Variants in CACNA2D3 observed in about 807,000 individuals in gnomAD.
CACNA2D3 encodes calcium voltage-gated channel auxiliary subunit alpha2delta 3, also known as voltage-dependent calcium channel subunit alpha-2/delta-3.
Under a neutral mutation model 160.6 loss-of-function variants are expected in CACNA2D3, and 60 were observed. The observed-to-expected ratio is 0.37, with a 90% confidence interval of 0.30 to 0.46. The LOEUF (loss-of-function observed/expected upper bound fraction) is 0.46. Ranked by LOEUF, CACNA2D3 falls within the 20% of genes least tolerant of loss-of-function variation. The pLI is 1.00. For missense variants in CACNA2D3, 1,205 were observed against 1,365.0 expected (o/e 0.88, Z 1.85); for synonymous variants, 558 against 492.9 (o/e 1.13, Z -1.75).
intron 35 of CACNA2D3, among the ~76,000 whole-genome samples, chr3:55,042,709 A>AT (rs1703982641): frequency 6.6e-6 from 1 of 152,078 alleles, no homozygotes; most frequent in Non-Finnish European, 1.5e-5. Context: ...ACAGTTGTGT[A>AT]TTTACTACTA....
At chr3:54,281,935 G>C (rs1189042956) in intron 2 of CACNA2D3, among the ~76,000 whole-genome samples, 1 of 152,276 alleles carries the variant, frequency 6.6e-6, no homozygotes, top group East Asian at 1.9e-4. Context: ...GTGTGTTAAA[G>C]CAAAGTGTTC....
intron 2 of CACNA2D3, among the ~76,000 whole-genome samples, chr3:54,189,021 C>T (rs549905512): frequency 6.6e-6 from 1 of 152,290 alleles, no homozygotes; most frequent in African/African-American, 2.4e-5. Flanking sequence ...AAAGTGAAGC[C>T]ATGGCATCTA....
At chr3:54,726,786 C>T (rs770159465) in intron 11 of CACNA2D3, among the ~76,000 whole-genome samples, 18 of 152,226 alleles carry the variant, frequency 1.2e-4, no homozygotes, top group African/African-American at 2.6e-4. Context: ...AAGACTTAAA[C>T]GTAAAACCTA....
At chr3:54,727,879 C>T (rs1701307782) in intron 11 of CACNA2D3, among the ~76,000 whole-genome samples, 1 of 152,106 alleles carries the variant, frequency 6.6e-6, no homozygotes, top group South Asian at 2.1e-4. Flanking sequence ...GCATGTTCTG[C>T]ACATGTACCC....
intron 31 of CACNA2D3, among the ~76,000 whole-genome samples, chr3:54,996,753 T>C (rs1308355045): frequency 6.6e-6 from 1 of 151,960 alleles, no homozygotes; most frequent in Non-Finnish European, 1.5e-5. Context: ...TGCGTCTGGG[T>C]TTTAAAGTGG....
At chr3:54,722,179 T>C (rs1325574580) in intron 11 of CACNA2D3, among the ~76,000 whole-genome samples, 1 of 152,364 alleles carries the variant, frequency 6.6e-6, no homozygotes, top group African/African-American at 2.4e-5. Flanking sequence ...ATCACTGATA[T>C]CCTTTCTTTC....
intron 3 of CACNA2D3, among the ~76,000 whole-genome samples, chr3:54,381,818 A>C (rs1699107693): frequency 6.6e-6 from 1 of 152,244 alleles, no homozygotes. Context: ...GTCTATTTAT[A>C]CAAATGGCTC....
At chr3:54,563,818 G>C (rs2106708463) in intron 6 of CACNA2D3, among the ~76,000 whole-genome samples, 1 of 152,244 alleles carries the variant, frequency 6.6e-6, no homozygotes, top group East Asian at 1.9e-4. Flanking sequence ...TTGAGGCACA[G>C]ACTGCCGGCC....
intron 2 of CACNA2D3, among the ~76,000 whole-genome samples, chr3:54,289,105 G>A (rs1002684665): frequency 6.6e-6 from 1 of 152,130 alleles, no homozygotes; most frequent in Non-Finnish European, 1.5e-5. Flanking sequence ...TAGGAAAAGA[G>A]GAAGTCAAAT....
At chr3:55,013,110 T>A (rs1042051002) in intron 34 of CACNA2D3, among the ~76,000 whole-genome samples, 4 of 152,210 alleles carry the variant, frequency 2.6e-5, no homozygotes, top group African/African-American at 2.4e-5. Flanking sequence ...TGTCACATAA[T>A]TGCATCATTG....
intron 11 of CACNA2D3, among the ~76,000 whole-genome samples, chr3:54,725,588 G>A (rs1021883101): frequency 6.6e-6 from 1 of 152,150 alleles, no homozygotes; most frequent in African/African-American, 2.4e-5. Context: ...CCTCATACCT[G>A]GGATGCAAGG....
intron 2 of CACNA2D3, among the ~76,000 whole-genome samples, chr3:54,182,443 C>T (rs570343442): frequency 6.6e-5 from 10 of 152,204 alleles, no homozygotes; most frequent in African/African-American, 1.2e-4. Flanking sequence ...GCCAGGAGTC[C>T]GCTCGTCACT....
At chr3:54,886,470 A>G (rs902393093) in intron 23 of CACNA2D3, among the ~76,000 whole-genome samples, 1 of 152,208 alleles carries the variant, frequency 6.6e-6, no homozygotes, top group African/African-American at 2.4e-5. Flanking sequence ...TGTAGTCACC[A>G]TCCAGCTTTA....
chr3:55,014,669 T>C (rs1047882135), intron 34 of CACNA2D3, among the ~76,000 whole-genome samples: 1 of 151,718 alleles, frequency 6.6e-6, no homozygotes, highest in African/African-American at 2.4e-5. Flanking sequence ...GAGGCGGAGG[T>C]TGCAGTGAGC....
intron 4 of CACNA2D3, among the ~76,000 whole-genome samples, chr3:54,393,134 CA>C (rs1231513110): frequency 6.6e-6 from 1 of 152,190 alleles, no homozygotes; most frequent in Non-Finnish European, 1.5e-5. Context: ...ACCCCATCCC[CA>C]AGGTGGGGTC....
chr3:54,378,469 T>C (rs1209578269), intron 3 of CACNA2D3, among the ~76,000 whole-genome samples: 1 of 152,168 alleles, frequency 6.6e-6, no homozygotes, highest in African/African-American at 2.4e-5. Flanking sequence ...TACTGGTCCA[T>C]GCTGGGGGTT....
chr3:54,131,759 T>G (rs1699713475), intron 2 of CACNA2D3, among the ~76,000 whole-genome samples: 1 of 152,148 alleles, frequency 6.6e-6, no homozygotes, highest in South Asian at 2.1e-4. Context: ...GAGGTGGATT[T>G]TTTTTTTTGC....
intron 2 of CACNA2D3, among the ~76,000 whole-genome samples, chr3:54,183,753 C>T (rs903518462): frequency 2.6e-5 from 4 of 151,614 alleles, no homozygotes; most frequent in Non-Finnish European, 5.9e-5. Context: ...GACATGGTGG[C>T]GCATGACTGT....
intron 9 of CACNA2D3, among the ~76,000 whole-genome samples, chr3:54,587,131 G>A (rs765519790): frequency 7.2e-5 from 11 of 151,734 alleles, no homozygotes; most frequent in Non-Finnish European, 1.5e-4. Context: ...ACTAAAGCAA[G>A]CAGAAGGGAG....
Sources: gnomAD v4.1 joint callset for allele counts (sites outside exome capture counted in the v4.1 genomes callset) on GRCh38, gnomAD v4.1.1 for gene constraint, MANE v1.5 for transcripts, NCBI Gene and HGNC (gene_info 2026-07-23, HGNC 2026-07-21) for gene names.